The following DDB2 variants were observed in gnomAD, a reference collection of about 807,000 sequenced individuals.
The protein encoded by DDB2 is DNA damage-binding protein 2.
In DDB2, 27 loss-of-function variants were observed where a neutral mutation model predicts 50.5. That is an observed-to-expected ratio of 0.53 (90% CI 0.39 to 0.74). The LOEUF (loss-of-function observed/expected upper bound fraction) is 0.74. DDB2 is among the 30% of genes least tolerant of loss of function. The pLI is 0.00. For missense variants in DDB2, 424 were observed against 545.6 expected (o/e 0.78, Z 2.22); for synonymous variants, 176 against 205.5 (o/e 0.86, Z 1.23).
In DDB2 at chr11:47,216,906, C is replaced by G. The variant is rs754091903; in HGVS notation, c.313C>G (p.Gln105Glu). Residue 105 changes from glutamine to glutamate, a missense_variant, in exon 3 of 10, where the codon CAA becomes GAA. Gln to Glu is a conservative substitution (Grantham distance 29, BLOSUM62 2). Transcript: ENST00000256996. ...CACTCTGGATTCTTACCGGATATTACAAAAGGCTGCCCCCTTTGACAGGAG... is the reference window on the plus strand; with the variant it reads ...CACTCTGGATTCTTACCGGATATTAGAAAAGGCTGCCCCCTTTGACAGGAG... ...LHTLDSYRIL[Q>E]KAAPFDRRAT... 1 of 1,614,104 alleles carries G rather than the reference C, an allele frequency of 6.2e-7. No individual in the cohort carries two copies. Among genetic ancestry groups the G allele is most frequent in the Non-Finnish European group, 8.5e-7 (1 of 1,180,024 alleles).
chr11:47,222,897 G>T (rs1953506457), intron 3 of DDB2, among the ~76,000 whole-genome samples: 1 of 152,126 alleles, frequency 6.6e-6, no homozygotes, highest in Non-Finnish European at 1.5e-5. Flanking sequence ...GTCATTTCCA[G>T]TGCTTTCATT....
chr11:47,225,921 A>G (rs535563772), intron 3 of DDB2, among the ~76,000 whole-genome samples: 44 of 152,322 alleles, frequency 2.9e-4, no homozygotes, highest in African/African-American at 8.9e-4. Flanking sequence ...AGATTCATCC[A>G]TGTTGTAGCA....
intron 3 of DDB2, among the ~76,000 whole-genome samples, chr11:47,226,849 C>A (rs1207059900): frequency 6.6e-6 from 1 of 151,266 alleles, no homozygotes; most frequent in Non-Finnish European, 1.5e-5. Context: ...TCCAGTGATC[C>A]TGCTGCCTTA....
At chr11:47,234,528 C>A in intron 4 of DDB2, 45 bp from the exon 5 acceptor site, 1 of 1,521,704 alleles carries the variant, frequency 6.6e-7, no homozygotes, top group Non-Finnish European at 9.1e-7. Context: ...GTAAATAGGA[C>A]TATCTCTGTC....
intron 3 of DDB2, among the ~76,000 whole-genome samples, chr11:47,232,591 T>C (rs533498791): frequency 6.6e-6 from 1 of 152,206 alleles, no homozygotes; most frequent in South Asian, 2.1e-4. Flanking sequence ...GTGAGCCGTG[T>C]TTGTGCCACT....
At position 47,216,209 on chromosome 11, in the gene DDB2, A is replaced by C. The variant is rs754707377; in HGVS notation, c.128-127A>C. On this transcript the variant is annotated intron_variant, in intron 1 of 9. Transcript: ENST00000256996. ...GCTCGTTGAGACCACACAGACATGG[A>C]AAGGCCGCAGGAGGTGATGAGACAG... 2.1e-6 allele frequency: 3 copies of C among 1,425,726 alleles called. No individual in the cohort carries two copies. The South Asian group carries it at 3.5e-5, about 16-fold the overall frequency. 88.3% of individuals were successfully genotyped at this position (1,425,726 alleles called of 1,614,324 possible). A position where few individuals can be genotyped will look rare whatever the true frequency, so the allele number is the denominator to read the frequency against.
At chr11:47,220,307 A>G (rs1025005218) in intron 3 of DDB2, 1 of 152,250 alleles carries the variant, frequency 6.6e-6, no homozygotes, top group Admixed American at 6.5e-5. Flanking sequence ...GGCAGCTTGA[A>G]GTTGAAGTCA....
intron 3 of DDB2, among the ~76,000 whole-genome samples, chr11:47,228,420 C>A (rs1953591336): frequency 1.3e-5 from 2 of 151,906 alleles, no homozygotes; most frequent in Non-Finnish European, 1.5e-5. Context: ...GTGGGCAGAT[C>A]ACCTGAGGTC....
chr11:47,235,116 T>TTTG, intron 6 of DDB2, 154 bp from the exon 7 acceptor site: 8 of 1,331,380 alleles, frequency 6.0e-6, no homozygotes, highest in Non-Finnish European at 8.6e-6. Context: ...CCAGAATTTT[T>TTTG]TTGTTGTTGT....
At chr11:47,224,769 CT>C (rs1309925475) in intron 3 of DDB2, among the ~76,000 whole-genome samples, 2 of 136,724 alleles carry the variant, frequency 1.5e-5, no homozygotes, top group African/African-American at 5.3e-5. Flanking sequence ...CTTTCTCTCT[CT>C]TCTCTTCCTC....
At chr11:47,219,102 G>C (rs1350291046) in intron 3 of DDB2, among the ~76,000 whole-genome samples, 1 of 151,992 alleles carries the variant, frequency 6.6e-6, no homozygotes, top group Non-Finnish European at 1.5e-5. Context: ...ATGCTGCCAC[G>C]CCTGGCTAAT....
intron 1 of DDB2, 100 bp from the exon 2 acceptor site, chr11:47,216,236 G>C: frequency 6.4e-7 from 1 of 1,572,932 alleles, no homozygotes; most frequent in Non-Finnish European, 8.7e-7. Context: ...ATGAGACAGA[G>C]ATTAACCGTG....
chr11:47,216,621 C>A (rs1014697958), intron 2 of DDB2, 149 bp downstream of exon 2: 1 of 1,262,118 alleles, frequency 7.9e-7, no homozygotes, highest in Non-Finnish European at 1.1e-6. Flanking sequence ...GGGCACTCAG[C>A]CAGGTAAAAA....
intron 6 of DDB2, 101 bp downstream of exon 6, chr11:47,235,035 C>CTG: frequency 7.2e-7 from 1 of 1,393,380 alleles, no homozygotes; most frequent in South Asian, 1.2e-5. Context: ...ACCTTTACCC[C>CTG]TGATAGCGTC....
chr11:47,214,890 C>T, upstream of DDB2: 1 of 561,662 alleles, frequency 1.8e-6, no homozygotes, highest in Non-Finnish European at 3.1e-6. Context: ...CTGGCACCGC[C>T]CCTTGGCACC....
At chr11:47,219,366 T>A (rs1028959340) in intron 3 of DDB2, among the ~76,000 whole-genome samples, 9 of 151,292 alleles carry the variant, frequency 5.9e-5, no homozygotes, top group South Asian at 2.1e-4. Context: ...TTCATTATTT[T>A]TTTTTATTTT....
chr11:47,217,939 G>A (rs151316703), intron 3 of DDB2, among the ~76,000 whole-genome samples: 369 of 152,126 alleles, frequency 2.4e-3, no homozygotes, highest in African/African-American at 8.4e-3. Context: ...CTCATCTTAC[G>A]CCATTGTCTT....
At chr11:47,237,489 G>C (rs930752712) in intron 7 of DDB2, 2 of 333,654 alleles carry the variant, frequency 6.0e-6, no homozygotes, top group Non-Finnish European at 1.2e-5. Context: ...GGAGTGCAGT[G>C]ACATGATCTT....
intron 3 of DDB2, among the ~76,000 whole-genome samples, chr11:47,221,240 C>A (rs2135491113): frequency 6.6e-6 from 1 of 151,920 alleles, no homozygotes; most frequent in South Asian, 2.1e-4. Context: ...GATCCAAAAT[C>A]CCCATTTTCA....
Sources: gnomAD v4.1 joint callset for allele counts (sites outside exome capture counted in the v4.1 genomes callset) on GRCh38, gnomAD v4.1.1 for gene constraint, MANE v1.5 for transcripts, NCBI Gene and HGNC (gene_info 2026-07-23, HGNC 2026-07-21) for gene names.